The following SCHIP1 variants were observed in gnomAD, a reference collection of about 807,000 sequenced individuals.
SCHIP1 encodes schwannomin interacting protein 1.
SCHIP1 carries 8 observed loss-of-function variants against 29.7 expected under a neutral mutation model. That is an observed-to-expected ratio of 0.27 (90% confidence interval 0.16 to 0.49). The LOEUF (loss-of-function observed/expected upper bound fraction) is 0.49, where lower values mean the gene tolerates loss of function less well. Ranked by LOEUF, SCHIP1 falls within the 20% of genes least tolerant of loss-of-function variation. The pLI is 0.99. For missense variants in SCHIP1, 193 were observed against 294.6 expected (o/e 0.66, Z 2.52); for synonymous variants, 76 against 94.9 (o/e 0.80, Z 1.16).
the SCHIP1 span, among the ~76,000 whole-genome samples, chr3:159,275,716 G>A: frequency 2.6e-5 from 4 of 152,106 alleles, no homozygotes; most frequent in Non-Finnish European, 5.9e-5. Context: ...CAAACTACAA[G>A]CACATGTTTG....
At chr3:159,355,987 A>G in the SCHIP1 span, among the ~76,000 whole-genome samples, 1 of 151,486 alleles carries the variant, frequency 6.6e-6, no homozygotes, top group Non-Finnish European at 1.5e-5. Context: ...TCATTTGGGT[A>G]TATACCCAGT....
chr3:159,483,539 C>CAA, the SCHIP1 span, among the ~76,000 whole-genome samples: 3 of 151,474 alleles, frequency 2.0e-5, 1 homozygote, highest in East Asian at 1.9e-4. Context: ...ACATCAGTGA[C>CAA]AAAAAAAATA....
At chr3:159,850,605 G>C (rs1712483418) in intron 1 of SCHIP1, among the ~76,000 whole-genome samples, 1 of 151,414 alleles carries the variant, frequency 6.6e-6, no homozygotes, top group Non-Finnish European at 1.5e-5. Context: ...AATAAAAGAG[G>C]TTTAATTGGC....
At chr3:159,427,702 T>G in the SCHIP1 span, among the ~76,000 whole-genome samples, 2 of 151,744 alleles carry the variant, frequency 1.3e-5, no homozygotes, top group Admixed American at 1.3e-4. Flanking sequence ...TACTTTAAAG[T>G]TCATATGGAA....
the SCHIP1 span, among the ~76,000 whole-genome samples, chr3:159,639,029 A>C: frequency 1.3e-5 from 2 of 152,072 alleles, no homozygotes; most frequent in Non-Finnish European, 1.5e-5. Context: ...ATTCTTCTTT[A>C]ATCTTTTGTA....
chr3:159,577,449 CA>C, the SCHIP1 span, among the ~76,000 whole-genome samples: 1 of 152,132 alleles, frequency 6.6e-6, no homozygotes, highest in Non-Finnish European at 1.5e-5. Flanking sequence ...GTGAATATCA[CA>C]AAATTCCAGA....
the SCHIP1 span, among the ~76,000 whole-genome samples, chr3:159,474,016 A>C: frequency 6.6e-6 from 1 of 152,124 alleles, no homozygotes; most frequent in Admixed American, 6.6e-5. Context: ...CTCTAAATAA[A>C]AAATGTCTGG....
the SCHIP1 span, among the ~76,000 whole-genome samples, chr3:159,782,629 T>G: frequency 1.3e-5 from 2 of 152,242 alleles, no homozygotes; most frequent in African/African-American, 4.8e-5. Context: ...TACTTGTAAT[T>G]ATCAAATCCA....
At chr3:159,684,910 G>A in the SCHIP1 span, among the ~76,000 whole-genome samples, 1 of 151,242 alleles carries the variant, frequency 6.6e-6, no homozygotes, top group African/African-American at 2.4e-5. Flanking sequence ...ACTTCAAAAT[G>A]TTCCTCGAAA....
chr3:159,678,378 T>C, the SCHIP1 span, among the ~76,000 whole-genome samples: 1 of 152,222 alleles, frequency 6.6e-6, no homozygotes. Flanking sequence ...TACAATTGAC[T>C]ATTTCAAAAA....
At chr3:159,860,769 C>G (rs535291485) in intron 1 of SCHIP1, among the ~76,000 whole-genome samples, 6 of 152,332 alleles carry the variant, frequency 3.9e-5, no homozygotes, top group African/African-American at 1.4e-4. Flanking sequence ...ACAACTGTCC[C>G]TGCTCCAAAT....
chr3:159,645,993 G>T, the SCHIP1 span, among the ~76,000 whole-genome samples: 3 of 152,148 alleles, frequency 2.0e-5, no homozygotes, highest in African/African-American at 7.2e-5. Flanking sequence ...AAAACATATT[G>T]TGAGTCAAGA....
chr3:159,741,311 G>A, the SCHIP1 span, among the ~76,000 whole-genome samples: 2 of 152,144 alleles, frequency 1.3e-5, no homozygotes, highest in South Asian at 2.1e-4. Flanking sequence ...AGGAGAGAGA[G>A]GAAAGAGGGA....
chr3:159,532,745 G>A, the SCHIP1 span, among the ~76,000 whole-genome samples: 1 of 152,220 alleles, frequency 6.6e-6, no homozygotes, highest in Non-Finnish European at 1.5e-5. Flanking sequence ...TATAGGAAAT[G>A]CCCCCTGTGG....
the SCHIP1 span, among the ~76,000 whole-genome samples, chr3:159,796,285 G>A: frequency 6.6e-6 from 1 of 152,054 alleles, no homozygotes; most frequent in African/African-American, 2.4e-5. Flanking sequence ...GGCAGTAGAA[G>A]AGAGAACAGC....
chr3:159,274,621 T>C, the SCHIP1 span: 245 of 827,954 alleles, frequency 3.0e-4, no homozygotes, highest in Non-Finnish European at 3.3e-4. Flanking sequence ...TTTGTAGTTC[T>C]ATGATATTAT....
chr3:159,750,257 GTGTGTGTA>G, the SCHIP1 span, among the ~76,000 whole-genome samples: 1 of 135,084 alleles, frequency 7.4e-6, no homozygotes, highest in African/African-American at 3.0e-5. Context: ...GTGTGTATGT[GTGTGTGTA>G]TATATATATA....
chr3:159,591,356 G>C, the SCHIP1 span, among the ~76,000 whole-genome samples: 1 of 152,228 alleles, frequency 6.6e-6, no homozygotes, highest in East Asian at 1.9e-4. Flanking sequence ...GGAATACAGT[G>C]TGGCGATTCC....
At chr3:159,570,526 C>T in the SCHIP1 span, among the ~76,000 whole-genome samples, 281 of 152,284 alleles carry the variant, frequency 1.8e-3, 2 homozygotes, top group African/African-American at 6.3e-3. Flanking sequence ...GTACCAGTGC[C>T]ATGCCGTTTT....
Sources: allele counts gnomAD v4.1 joint callset (sites outside exome capture counted in the v4.1 genomes callset), GRCh38; gene constraint gnomAD v4.1.1; transcripts MANE v1.5; gene names NCBI Gene and HGNC (gene_info 2026-07-23, HGNC 2026-07-21).